EPN2: variants seen among roughly 807,000 people sequenced by gnomAD.
EPN2 encodes the protein epsin-2.
In EPN2, 34 loss-of-function variants were observed where a neutral mutation model predicts 61.7. The observed-to-expected ratio is 0.55, with a 90% CI of 0.42 to 0.73. The LOEUF (loss-of-function observed/expected upper bound fraction) is 0.73. Among genes scored for constraint, EPN2 ranks in the 30% least tolerant of loss-of-function variants. The pLI is 0.00. For synonymous variants in EPN2, 349 were observed against 353.6 expected (o/e 0.99, Z 0.15); for missense variants, 714 against 839.2 (o/e 0.85, Z 1.84).
At chr17:19,312,745 C>A (rs1906204937) in intron 6 of EPN2, among the ~76,000 whole-genome samples, 1 of 152,140 alleles carries the variant, frequency 6.6e-6, no homozygotes, top group African/African-American at 2.4e-5. Context: ...ATGCAGGTGC[C>A]CGAGGAGGAG....
chr17:19,253,246 C>T (rs1425665852), intron 1 of EPN2, among the ~76,000 whole-genome samples: 2 of 152,046 alleles, frequency 1.3e-5, no homozygotes, highest in African/African-American at 4.8e-5. Context: ...GTATTGGCTT[C>T]CTTCACCTAG....
Position 19,334,537 on chromosome 17 carries a change from C to T in EPN2, c.*283C>T, listed in dbSNP as rs73308345. On this transcript the variant is annotated 3_prime_UTR_variant, in exon 11 of 11. Transcript: ENST00000314728. This position sits in a 1 kb window ranked among gnomAD's most constrained non-coding sequence, Gnocchi z 4.9. ...CGAGGACGTGGAGTCATCAGTGTTG[C>T]CCTTGCCCCTAACCTCAGCCCGAGG... 9.9e-4 allele frequency: 293 copies of T among 294,742 alleles called. 1 individual carries two copies. The highest frequency in any genetic ancestry group is 5.4e-3 in the African/African-American group (252 of 46,390). 18.3% of individuals were successfully genotyped at this position (294,742 alleles called of 1,614,324 possible).
intron 1 of EPN2, among the ~76,000 whole-genome samples, chr17:19,268,238 C>T (rs1314655914): frequency 6.6e-6 from 1 of 152,246 alleles, no homozygotes; most frequent in East Asian, 1.9e-4. Context: ...GTTGCTCCCC[C>T]AGTCTAGACA....
chr17:19,331,819 C>T (rs750599000), intron 9 of EPN2, 34 bp from the exon 10 acceptor site: 3 of 1,578,092 alleles, frequency 1.9e-6, no homozygotes, highest in Non-Finnish European at 2.6e-6. Context: ...CTCCCTGCCA[C>T]ACTCACCCTG....
At chr17:19,277,847 C>T (rs994176650) in intron 1 of EPN2, among the ~76,000 whole-genome samples, 1 of 152,000 alleles carries the variant, frequency 6.6e-6, no homozygotes, top group South Asian at 2.1e-4. Context: ...CCAGGGTGGG[C>T]GGATCACGAG....
intron 4 of EPN2, among the ~76,000 whole-genome samples, chr17:19,288,456 AAG>A (rs2045426686): frequency 6.6e-6 from 1 of 152,216 alleles, no homozygotes; most frequent in African/African-American, 2.4e-5. Flanking sequence ...TTGGGGAGGT[AAG>A]AGAGGGTGGC....
intron 4 of EPN2, among the ~76,000 whole-genome samples, chr17:19,289,088 T>G (rs2045433623): frequency 1.4e-5 from 2 of 138,784 alleles, no homozygotes; most frequent in South Asian, 2.5e-4. Context: ...TTTTTTTTTT[T>G]TTTTTTTTTT....
At chr17:19,306,388 T>A (rs749488575) in intron 4 of EPN2, 3 of 152,262 alleles carry the variant, frequency 2.0e-5, no homozygotes, top group Admixed American at 6.5e-5. Context: ...GCTCAGCTGA[T>A]GTTCAATGGT....
At chr17:19,261,263 A>G (rs894439217) in intron 1 of EPN2, among the ~76,000 whole-genome samples, 2 of 152,258 alleles carry the variant, frequency 1.3e-5, no homozygotes, top group Non-Finnish European at 2.9e-5. Flanking sequence ...CACAAGGTGT[A>G]GTCAAATGCT....
intron 1 of EPN2, among the ~76,000 whole-genome samples, chr17:19,253,563 G>T (rs2045039488): frequency 6.6e-6 from 1 of 151,210 alleles, no homozygotes; most frequent in African/African-American, 2.4e-5. Flanking sequence ...TACAGGCCTG[G>T]CTAATTGTTG....
In EPN2 at chr17:19,309,350, C is replaced by T. The variant is rs941184414; in HGVS notation, c.767-535C>T. Among the ~76,000 whole-genome samples, 10 of 152,094 alleles carry T rather than the reference C, an allele frequency of 6.6e-5. No homozygotes were observed. In the East Asian group the frequency reaches 7.7e-4, roughly 12 times the overall value. ...TTCACCATGTTGGCCAGGATGGTCT[C>T]GATCTCTTGACCTTGTGATCCGCCC... On this transcript the variant is annotated intron_variant, in intron 4 of 10. Coordinates refer to ENST00000314728, the MANE Select transcript of EPN2 (RefSeq NM_014964.5).
At chr17:19,318,549 CAAAAAAA>C (rs58660254) in intron 7 of EPN2, among the ~76,000 whole-genome samples, 2 of 24,786 alleles carry the variant, frequency 8.1e-5, no homozygotes, top group East Asian at 7.2e-4. Flanking sequence ...GACTCCATCT[CAAAAAAA>C]AAAAAAAAAA....
intron 1 of EPN2, among the ~76,000 whole-genome samples, chr17:19,238,786 A>C (rs1371364784): frequency 6.6e-6 from 1 of 152,188 alleles, no homozygotes; most frequent in Admixed American, 6.5e-5. Flanking sequence ...AAAATATGAG[A>C]AGTAATGAGT....
At chr17:19,322,413 A>C (rs1478358542) in intron 7 of EPN2, among the ~76,000 whole-genome samples, 2 of 152,188 alleles carry the variant, frequency 1.3e-5, no homozygotes, top group African/African-American at 2.4e-5. Context: ...GCTAGCCAGT[A>C]GCTGATCCCG....
intron 4 of EPN2, among the ~76,000 whole-genome samples, chr17:19,304,895 CA>C (rs1905752804): frequency 6.6e-6 from 1 of 152,200 alleles, no homozygotes; most frequent in Non-Finnish European, 1.5e-5. Flanking sequence ...CTCACGCCCC[CA>C]AGGCCTGGCA....
intron 1 of EPN2, among the ~76,000 whole-genome samples, chr17:19,279,046 A>G (rs569645716): frequency 6.6e-6 from 1 of 151,986 alleles, no homozygotes; most frequent in Non-Finnish European, 1.5e-5. Flanking sequence ...GTTTTTTTTT[A>G]CTATAACCAG....
chr17:19,334,209 A>G lies in EPN2; in HGVS notation c.1881A>G (p.Pro627=). ...TGGTGGGCAGTGTGGGTATACCCCC[A>G]TCAGCAGCCCAGGCCACTGGCACAA... The part of the protein sequence containing the change: ...MNMVGSVGIP[P]SAAQATGTTN... Residue 627 remains proline, a synonymous_variant, in exon 11 of 11, where the codon CCA becomes CCG. Transcript: ENST00000314728. This position sits in a 1 kb window ranked among gnomAD's most constrained non-coding sequence, Gnocchi z 4.9. 1 of 1,529,726 alleles carries G rather than the reference A, an allele frequency of 6.5e-7. No homozygotes were observed. Among genetic ancestry groups the G allele is most frequent in the South Asian group, 1.3e-5 (1 of 79,614 alleles). 94.8% of individuals were successfully genotyped at this position (1,529,726 alleles called of 1,614,324 possible).
At chr17:19,287,559 G>A (rs2045418064) in intron 4 of EPN2, among the ~76,000 whole-genome samples, 1 of 152,116 alleles carries the variant, frequency 6.6e-6, no homozygotes, top group African/African-American at 2.4e-5. Flanking sequence ...TGAGTATAAG[G>A]TAAGTGCTTA....
chr17:19,315,164 A>G (rs1199177139), intron 7 of EPN2, among the ~76,000 whole-genome samples: 1 of 152,202 alleles, frequency 6.6e-6, no homozygotes, highest in Non-Finnish European at 1.5e-5. Flanking sequence ...AGAGACAAAA[A>G]TCTCAAAATA....
Sources: gnomAD v4.1 joint callset for allele counts (sites outside exome capture counted in the v4.1 genomes callset) on GRCh38, gnomAD v4.1.1 for gene constraint, Gnocchi (gnomAD v3.1) non-coding constraint, MANE v1.5 for transcripts, NCBI Gene and HGNC (gene_info 2026-07-23, HGNC 2026-07-21) for gene names.